BCLAF1: variants seen among roughly 807,000 people sequenced by gnomAD.
BCLAF1 encodes bcl-2-associated transcription factor 1.
In BCLAF1, 10 loss-of-function variants were observed where a neutral mutation model predicts 99.5. That is an observed-to-expected ratio of 0.10 (90% CI 0.06 to 0.17). The LOEUF (loss-of-function observed/expected upper bound fraction) is 0.17, where lower values mean the gene tolerates loss of function less well. Among genes scored for constraint, BCLAF1 ranks in the 10% least tolerant of loss-of-function variants. The pLI, the probability that BCLAF1 is intolerant of heterozygous loss-of-function variation, is 1.00. For missense variants in BCLAF1, 636 were observed against 1,105.8 expected (o/e 0.58, Z 6.02); for synonymous variants, 255 against 370.9 (o/e 0.69, Z 3.59).
chr6:136,286,171 T>C (rs1785101593), intron 1 of BCLAF1, among the ~76,000 whole-genome samples: 1 of 152,192 alleles, frequency 6.6e-6, no homozygotes, highest in Admixed American at 6.5e-5. Flanking sequence ...ATGAATTCTT[T>C]AAGATTACTA....
chr6:136,271,659 C>T (rs1162769228), intron 8 of BCLAF1, among the ~76,000 whole-genome samples: 1 of 151,898 alleles, frequency 6.6e-6, no homozygotes, highest in African/African-American at 2.4e-5. Flanking sequence ...GAAATATTTA[C>T]TCTGGCTAAT....
chr6:136,284,841 A>G (rs556179537), intron 1 of BCLAF1, among the ~76,000 whole-genome samples: 133 of 151,808 alleles, frequency 8.8e-4, no homozygotes, highest in African/African-American at 1.8e-3. Flanking sequence ...GAGGGGGGGG[A>G]AAAGTACAAG....
intron 1 of BCLAF1, among the ~76,000 whole-genome samples, chr6:136,283,501 A>T (rs764381083): frequency 5.3e-5 from 8 of 152,224 alleles, no homozygotes; most frequent in Non-Finnish European, 1.0e-4. Flanking sequence ...CTTTGCACAA[A>T]ATATTCAAGT....
At chr6:136,280,040 T>C (rs1784161070) in intron 2 of BCLAF1, among the ~76,000 whole-genome samples, 164 bp from the exon 3 acceptor site, 1 of 152,222 alleles carries the variant, frequency 6.6e-6, no homozygotes. Flanking sequence ...CAATTATCCC[T>C]GACTAAAACT....
intron 9 of BCLAF1, 108 bp from the exon 10 acceptor site, chr6:136,268,447 T>C (rs1782049296): frequency 2.1e-6 from 2 of 947,236 alleles, no homozygotes; most frequent in Non-Finnish European, 3.2e-6. Context: ...TATCCCCTAA[T>C]AAAATTATGT....
intron 1 of BCLAF1, among the ~76,000 whole-genome samples, chr6:136,286,787 C>T (rs1785191276): frequency 6.6e-6 from 1 of 152,036 alleles, no homozygotes; most frequent in South Asian, 2.1e-4. Flanking sequence ...GGCCAACATG[C>T]CAAAACCCCG....
At chr6:136,289,255 A>G in intron 1 of BCLAF1, among the ~76,000 whole-genome samples, 1 of 152,256 alleles carries the variant, frequency 6.6e-6, no homozygotes, top group East Asian at 1.9e-4. Context: ...GGCCACGAAG[A>G]AAGGTGGCAG....
chr6:136,265,073 ACTAT>A lies in BCLAF1; in HGVS notation c.2544+1952_2544+1955del, dbSNP rs764749462. Among the ~76,000 whole-genome samples the A allele has an allele frequency of 4.6e-5, 7 of 152,270 alleles. 1 individual carries two copies. The East Asian group carries it at 7.7e-4, about 17-fold the overall frequency. On this transcript the variant is annotated intron_variant, in intron 11 of 12. Transcript: ENST00000531224. ...AAATTGTTAAAAGTGTTAAACAATT[ACTAT>A]CTATTTGTTCACCCCTCATTCCCTC...
At chr6:136,267,855 T>A (rs1781937328) in intron 10 of BCLAF1, among the ~76,000 whole-genome samples, 1 of 152,020 alleles carries the variant, frequency 6.6e-6, no homozygotes, top group Non-Finnish European at 1.5e-5. Context: ...TTTCAAAAAC[T>A]AAGTGATTAA....
intron 10 of BCLAF1, among the ~76,000 whole-genome samples, 185 bp downstream of exon 10, chr6:136,267,977 G>T (rs1000899927): frequency 1.3e-5 from 2 of 151,850 alleles, no homozygotes; most frequent in Non-Finnish European, 2.9e-5. Context: ...GATGCTTCTA[G>T]ACCTCAAAAT....
chr6:136,263,805 C>A (rs1329839014), intron 11 of BCLAF1, among the ~76,000 whole-genome samples: 1 of 152,166 alleles, frequency 6.6e-6, no homozygotes, highest in Admixed American at 6.5e-5. Context: ...TTCACACTCA[C>A]CCCTCCATAG....
chr6:136,289,681 CT>C (rs1336480330), intron 1 of BCLAF1, 31 bp downstream of exon 1: 2 of 152,666 alleles, frequency 1.3e-5, no homozygotes, highest in Admixed American at 6.5e-5. Flanking sequence ...TTCACTGCCC[CT>C]GGAGTAACTT....
chr6:136,259,529 T>TTC lies in BCLAF1; in HGVS notation c.*1579_*1580dup, dbSNP rs150244054. 6.6e-6 allele frequency: 1 copy of TTC among 152,178 alleles called. No homozygotes were observed. Among genetic ancestry groups the TTC allele is most frequent in the African/African-American group, 2.4e-5 (1 of 41,564 alleles). The allele number at this position is 152,178 out of a possible 1,614,324, so 9.4% of individuals were successfully genotyped here. On this transcript the variant is annotated 3_prime_UTR_variant, in exon 13 of 13. Transcript: ENST00000531224. ...AATACATACTTCCTTTGGCAGGTAT[T>TTC]TCCTCTGCTTTAATAGACAATTTTA...
rs935962346 is a variant in BCLAF1 at position 136,273,347 on chromosome 6, T to C, written c.1853-160A>G. On this transcript the variant is annotated intron_variant, in intron 6 of 12. Coordinates refer to ENST00000531224, the MANE Select transcript of BCLAF1 (RefSeq NM_014739.3). ...AGGAACTCCTACCCTTTCAATTTCT[T>C]GTACCTCAACAGGAGAGTGTTTCGA... is the stretch of plus-strand genomic sequence containing the variant. The C allele has an allele frequency of 5.7e-5, 34 of 601,502 alleles. No individual in the cohort carries two copies. The East Asian group carries it at 9.9e-4, about 17-fold the overall frequency. The allele number at this position is 601,502 out of a possible 1,614,324, so 37.3% of individuals were successfully genotyped here. A position where few individuals can be genotyped will look rare whatever the true frequency, so the allele number is the denominator to read the frequency against.
intron 11 of BCLAF1, among the ~76,000 whole-genome samples, chr6:136,264,464 CA>C (rs1173046328): frequency 2.6e-5 from 4 of 152,164 alleles, no homozygotes; most frequent in Admixed American, 2.0e-4. Flanking sequence ...CTCAGCCTCC[CA>C]AAGTGCTGGG....
At chr6:136,274,769 T>C (rs1488933443) in intron 6 of BCLAF1, among the ~76,000 whole-genome samples, 1 of 151,940 alleles carries the variant, frequency 6.6e-6, no homozygotes, top group Non-Finnish European at 1.5e-5. Context: ...AAACTTAACC[T>C]AACTGCCCAA....
At chr6:136,282,167 G>A (rs1412433097) in intron 2 of BCLAF1, among the ~76,000 whole-genome samples, 1 of 152,174 alleles carries the variant, frequency 6.6e-6, no homozygotes, top group African/African-American at 2.4e-5. Flanking sequence ...TCACAGACTT[G>A]TAGTGGACTT....
chr6:136,267,001 C>G (rs771685980), intron 11 of BCLAF1, 28 bp downstream of exon 11: 1 of 1,609,054 alleles, frequency 6.2e-7, no homozygotes, highest in East Asian at 2.2e-5. Flanking sequence ...TAATGCAAAC[C>G]AAATAAACAC....
intron 11 of BCLAF1, 131 bp downstream of exon 11, chr6:136,266,894 GTAAT>G: frequency 8.7e-7 from 1 of 1,145,100 alleles, no homozygotes; most frequent in Non-Finnish European, 1.2e-6. Context: ...AATCGTCTGG[GTAAT>G]TATTTTAAAA....
Sources: allele counts gnomAD v4.1 joint callset (sites outside exome capture counted in the v4.1 genomes callset), GRCh38; gene constraint gnomAD v4.1.1; transcripts MANE v1.5; gene names NCBI Gene and HGNC (gene_info 2026-07-23, HGNC 2026-07-21).